Variants in ZNRF3 observed in about 807,000 individuals in gnomAD.
ZNRF3 encodes E3 ubiquitin-protein ligase ZNRF3.
A neutral mutation model predicts 72.5 loss-of-function variants in ZNRF3; 23 were observed. That is an observed-to-expected ratio of 0.32 (90% confidence interval 0.23 to 0.45). ZNRF3 has a LOEUF of 0.45. ZNRF3 is among the 20% of genes least tolerant of loss of function. ZNRF3 has a pLI of 1.00. For missense variants in ZNRF3, 1,169 were observed against 1,272.1 expected (o/e 0.92, Z 1.23); for synonymous variants, 610 against 545.3 (o/e 1.12, Z -1.65).
chr22:28,978,447 C>A (rs1224039437), intron 1 of ZNRF3, among the ~76,000 whole-genome samples: 1 of 152,140 alleles, frequency 6.6e-6, no homozygotes, highest in African/African-American at 2.4e-5. Flanking sequence ...CCAGAACAGC[C>A]GTCTCAGACG....
chr22:28,978,734 C>CA (rs35145983), intron 1 of ZNRF3, among the ~76,000 whole-genome samples: 39,704 of 152,120 alleles, frequency 0.26, 6,449 homozygotes, highest in Middle Eastern at 0.39. Context: ...TTCCCAGAGG[C>CA]AACCATTTTC....
In ZNRF3 at chr22:29,033,781, T is replaced by C. The variant is rs115507159; in HGVS notation, c.427-8714T>C. Among the ~76,000 whole-genome samples the C allele has an allele frequency of 1.6e-3, 238 of 152,200 alleles. 1 individual carries two copies. The highest frequency in any genetic ancestry group is 5.5e-3 in the African/African-American group (230 of 41,540). On this transcript the variant is annotated intron_variant, in intron 2 of 8. Coordinates refer to ENST00000544604, the MANE Select transcript of ZNRF3 (RefSeq NM_001206998.2). ...GGAGGAATGGGGGAGATGGGGTACC[T>C]CCTTGAGGAGGGAGCCCAGGTTTGG... is the stretch of plus-strand genomic sequence containing the variant.
chr22:28,900,699 T>G (rs567606789), intron 1 of ZNRF3, among the ~76,000 whole-genome samples: 2 of 152,282 alleles, frequency 1.3e-5, no homozygotes, highest in Admixed American at 6.5e-5. Context: ...GAAAAGAAAC[T>G]TACTGTTTCA....
intron 2 of ZNRF3, among the ~76,000 whole-genome samples, chr22:29,038,377 C>G (rs1244066421): frequency 1.3e-5 from 2 of 151,582 alleles, no homozygotes; most frequent in Non-Finnish European, 2.9e-5. Flanking sequence ...CGCCCTGTCG[C>G]CCAGGCTGGA....
intron 2 of ZNRF3, among the ~76,000 whole-genome samples, chr22:29,040,666 A>G (rs1220618532): frequency 1.3e-5 from 2 of 152,256 alleles, no homozygotes; most frequent in Non-Finnish European, 2.9e-5. Flanking sequence ...CAATCGGCAG[A>G]GACTTTCAAT....
At chr22:28,997,401 G>A (rs546772547) in intron 2 of ZNRF3, among the ~76,000 whole-genome samples, 1 of 151,750 alleles carries the variant, frequency 6.6e-6, no homozygotes, top group South Asian at 2.1e-4. Flanking sequence ...AAAATGTCAG[G>A]GTTGGGGGGT....
At chr22:28,898,204 T>C (rs947382581) in intron 1 of ZNRF3, among the ~76,000 whole-genome samples, 1 of 152,188 alleles carries the variant, frequency 6.6e-6, no homozygotes, top group African/African-American at 2.4e-5. Flanking sequence ...CACCTCGGCC[T>C]CCCAAAGTGC....
chr22:28,906,496 G>A (rs1172667649), intron 1 of ZNRF3, among the ~76,000 whole-genome samples: 1 of 152,180 alleles, frequency 6.6e-6, no homozygotes, highest in Non-Finnish European at 1.5e-5. Context: ...CTGTGACCTT[G>A]GCCAGGTCAT....
At chr22:28,970,155 A>T (rs1012346703) in intron 1 of ZNRF3, among the ~76,000 whole-genome samples, 3 of 152,254 alleles carry the variant, frequency 2.0e-5, no homozygotes, top group Non-Finnish European at 4.4e-5. Flanking sequence ...CTCAGAATAT[A>T]GAAAGAACTC....
At chr22:28,963,876 C>A (rs1601607531) in intron 1 of ZNRF3, among the ~76,000 whole-genome samples, 2 of 152,348 alleles carry the variant, frequency 1.3e-5, no homozygotes, top group East Asian at 1.9e-4. Flanking sequence ...AACCCACACT[C>A]ATCAGCAACA....
intron 2 of ZNRF3, among the ~76,000 whole-genome samples, chr22:28,988,558 A>G (rs2035896707): frequency 6.6e-6 from 1 of 152,186 alleles, no homozygotes; most frequent in Non-Finnish European, 1.5e-5. Context: ...TGTTTGCTTT[A>G]CAGTTCACAA....
At chr22:28,914,673 G>C (rs1333945724) in intron 1 of ZNRF3, among the ~76,000 whole-genome samples, 1 of 151,814 alleles carries the variant, frequency 6.6e-6, no homozygotes, top group Non-Finnish European at 1.5e-5. Flanking sequence ...AATTAGCCAG[G>C]CATGGTGGTG....
rs574466761 is a variant in ZNRF3 at position 28,911,248 on chromosome 22, G to T, written c.300+27182G>T. On this transcript the variant is annotated intron_variant, in intron 1 of 8. Transcript: ENST00000544604. ...ACTTTGGAGGGCAAGTTAGGGGAGG[G>T]ATAAGAGGGGCTTTGAATGCCAGAA... Among the ~76,000 whole-genome samples, 201 of 152,208 alleles carry T rather than the reference G, an allele frequency of 1.3e-3. 1 individual carries two copies. Among genetic ancestry groups the T allele is most frequent in the African/African-American group, 4.5e-3 (185 of 41,520 alleles).
At chr22:28,885,590 T>TA (rs34201242) in intron 1 of ZNRF3, among the ~76,000 whole-genome samples, 6,482 of 102,602 alleles carry the variant, frequency 0.063, 225 homozygotes, top group Non-Finnish European at 0.072. Flanking sequence ...TACAGCCTTC[T>TA]AAAAAAAAAA....
chr22:29,006,684 G>A (rs1278530595), intron 2 of ZNRF3, among the ~76,000 whole-genome samples: 3 of 152,116 alleles, frequency 2.0e-5, no homozygotes, highest in Non-Finnish European at 4.4e-5. Flanking sequence ...CATTTCAGAT[G>A]TGCCCTTTGT....
At chr22:28,980,696 C>T (rs1453654528) in intron 1 of ZNRF3, among the ~76,000 whole-genome samples, 2 of 152,200 alleles carry the variant, frequency 1.3e-5, no homozygotes, top group African/African-American at 4.8e-5. Flanking sequence ...TATATCCTTG[C>T]ACTTTCATTG....
At chr22:28,933,182 T>C (rs910247905) in intron 1 of ZNRF3, among the ~76,000 whole-genome samples, 11 of 152,362 alleles carry the variant, frequency 7.2e-5, no homozygotes, top group African/African-American at 2.6e-4. Flanking sequence ...CTCAATTATA[T>C]CCCAACTCTA....
intron 2 of ZNRF3, among the ~76,000 whole-genome samples, chr22:29,040,009 C>T (rs925141013): frequency 3.9e-5 from 6 of 152,070 alleles, no homozygotes; most frequent in African/African-American, 1.4e-4. Flanking sequence ...CCACTCTCGC[C>T]TCACACTTTT....
At chr22:28,984,610 G>A (rs888939577) in intron 1 of ZNRF3, among the ~76,000 whole-genome samples, 2 of 152,196 alleles carry the variant, frequency 1.3e-5, no homozygotes, top group African/African-American at 2.4e-5. Flanking sequence ...ACTGGTTGCC[G>A]TTACCATGAT....
Sources: gnomAD v4.1 joint callset for allele counts (sites outside exome capture counted in the v4.1 genomes callset) on GRCh38, gnomAD v4.1.1 for gene constraint, MANE v1.5 for transcripts, NCBI Gene and HGNC (gene_info 2026-07-23, HGNC 2026-07-21) for gene names.